LOXHD1: variants seen among roughly 807,000 people sequenced by gnomAD.
The protein encoded by LOXHD1 is lipoxygenase homology PLAT domains 1.
A neutral mutation model predicts 248.2 loss-of-function variants in LOXHD1; 205 were observed. The ratio of observed to expected loss-of-function variants is 0.83; its 90% confidence interval spans 0.74 to 0.93. LOXHD1 has a LOEUF of 0.93. LOXHD1 is among the 40% of genes least tolerant of loss of function. The pLI is 0.00. For synonymous variants in LOXHD1, 1,113 were observed against 1,162.8 expected, an observed-to-expected ratio of 0.96 and a Z score of 0.87; for missense variants, 2,930 against 2,971.6, an observed-to-expected ratio of 0.99 and a Z score of 0.33.
intron 5 of LOXHD1, among the ~76,000 whole-genome samples, chr18:46,612,891 C>T (rs2038529291): frequency 6.6e-6 from 1 of 152,094 alleles, no homozygotes; most frequent in South Asian, 2.1e-4. Flanking sequence ...ACAATGCCAA[C>T]TCTATGTGTG....
At chr18:46,552,142 T>A (rs1321804784) in intron 21 of LOXHD1, among the ~76,000 whole-genome samples, 1 of 152,230 alleles carries the variant, frequency 6.6e-6, no homozygotes. Flanking sequence ...ACAATGTGAA[T>A]ATACTTAACA....
chr18:46,548,762 CAAAG>C (rs1291143720), intron 21 of LOXHD1, among the ~76,000 whole-genome samples: 1 of 151,814 alleles, frequency 6.6e-6, no homozygotes. Flanking sequence ...GAGACACACA[CAAAG>C]AAAGAGCCAG....
At chr18:46,583,161 A>C (rs559433009) in intron 12 of LOXHD1, among the ~76,000 whole-genome samples, 3 of 152,356 alleles carry the variant, frequency 2.0e-5, no homozygotes, top group Non-Finnish European at 4.4e-5. Flanking sequence ...AAACTGGCTC[A>C]AGAAAAAATA....
intron 17 of LOXHD1, among the ~76,000 whole-genome samples, chr18:46,565,670 C>T (rs1849570670): frequency 6.6e-6 from 1 of 152,168 alleles, no homozygotes; most frequent in African/African-American, 2.4e-5. Context: ...TACACACATC[C>T]TCCTATACAC....
chr18:46,496,057 T>C (rs2033845377), intron 37 of LOXHD1, among the ~76,000 whole-genome samples: 4 of 152,152 alleles, frequency 2.6e-5, no homozygotes, highest in African/African-American at 9.7e-5. Context: ...GAACACACTA[T>C]GTTTGGGGTG....
In LOXHD1 at chr18:46,639,647, C is replaced by T; in HGVS notation, c.480G>A (p.Leu160=). The T allele has an allele frequency of 6.4e-7, 1 of 1,551,718 alleles. No individual in the cohort carries two copies. Among genetic ancestry groups the T allele is most frequent in the South Asian group, 1.2e-5 (1 of 84,060 alleles). ...GCATGTCCATGGGGTTGAAGCTGGC[C>T]AGCAGGTCACGGCACCACTGGCGGT... ...EGDRQWCRDL[L]ASFNPMDMPR... Residue 160 remains leucine (L), a synonymous_variant, in exon 4 of 41, where the codon CTG becomes CTA. Coordinates refer to ENST00000642948, the MANE Select transcript of LOXHD1 (RefSeq NM_001384474.1).
At chr18:46,601,776 G>T in intron 7 of LOXHD1, 1 of 365,850 alleles carries the variant, frequency 2.7e-6, no homozygotes, top group South Asian at 2.6e-5. Context: ...GCTAAGAATA[G>T]TACTTATTAT....
chr18:46,486,063 C>T (rs551106400), intron 38 of LOXHD1, among the ~76,000 whole-genome samples: 298 of 152,184 alleles, frequency 2.0e-3, no homozygotes, highest in South Asian at 0.014. Flanking sequence ...TCTATCCAAC[C>T]ACCCTAATTA....
intron 21 of LOXHD1, among the ~76,000 whole-genome samples, chr18:46,552,281 A>T (rs950026076): frequency 1.3e-5 from 2 of 152,252 alleles, no homozygotes; most frequent in African/African-American, 4.8e-5. Flanking sequence ...AAACATTCAC[A>T]GCCCACAGCT....
At chr18:46,574,160 T>A (rs1447701756) in intron 14 of LOXHD1, among the ~76,000 whole-genome samples, 3 of 152,020 alleles carry the variant, frequency 2.0e-5, no homozygotes. Flanking sequence ...CCACCACTTA[T>A]CCACCCCCAG....
intron 4 of LOXHD1, among the ~76,000 whole-genome samples, chr18:46,635,875 T>G (rs2038886630): frequency 6.6e-6 from 1 of 152,098 alleles, no homozygotes; most frequent in Admixed American, 6.5e-5. Context: ...TTACTGAAGT[T>G]TGAGAGCCCC....
intron 6 of LOXHD1, among the ~76,000 whole-genome samples, chr18:46,605,254 G>A (rs1046441589): frequency 6.6e-6 from 1 of 152,314 alleles, no homozygotes; most frequent in African/African-American, 2.4e-5. Flanking sequence ...TTGGCTGGGC[G>A]TGGTGGCTCA....
intron 33 of LOXHD1, among the ~76,000 whole-genome samples, chr18:46,519,805 AAG>A (rs2035477265): frequency 6.6e-6 from 1 of 152,164 alleles, no homozygotes; most frequent in South Asian, 2.1e-4. Flanking sequence ...TGCTTCCAAA[AAG>A]AGACAGAAAC....
rs2036760703 is a variant in LOXHD1, at chr18:46,545,467, T to C, written c.3515-46A>G. The C allele has an allele frequency of 2.8e-6, 4 of 1,440,070 alleles. No individual in the cohort carries two copies. The East Asian group carries it at 9.9e-5, about 36-fold the overall frequency. 89.2% of individuals were successfully genotyped at this position (1,440,070 alleles called of 1,614,324 possible). On this transcript the variant is annotated intron_variant, in intron 22 of 40. Coordinates refer to ENST00000642948, the MANE Select transcript of LOXHD1 (RefSeq NM_001384474.1). ...AGCAATGAATTGTAGACTGTTCCTT[T>C]CATGAAAGGAGGAAAGAGGACAGCC... is the stretch of plus-strand genomic sequence containing the variant.
intron 6 of LOXHD1, among the ~76,000 whole-genome samples, chr18:46,609,426 G>A (rs2038471104): frequency 6.6e-6 from 1 of 152,194 alleles, no homozygotes. Flanking sequence ...ATAAAGTTAA[G>A]CAATAATAAA....
At chr18:46,546,089 G>T (rs185334979) in intron 22 of LOXHD1, among the ~76,000 whole-genome samples, 75 of 152,106 alleles carry the variant, frequency 4.9e-4, no homozygotes, top group African/African-American at 1.8e-3. Flanking sequence ...ATACTTTGAG[G>T]GTCAGAGGCT....
chr18:46,595,394 C>A (rs2038242244), intron 8 of LOXHD1, among the ~76,000 whole-genome samples: 1 of 152,150 alleles, frequency 6.6e-6, no homozygotes, highest in Non-Finnish European at 1.5e-5. Context: ...TGGCTCAGGA[C>A]CACAGGCAGT....
At chr18:46,623,140 G>GCAAATGGTAA (rs2038691858) in intron 4 of LOXHD1, among the ~76,000 whole-genome samples, 2 of 152,168 alleles carry the variant, frequency 1.3e-5, no homozygotes, top group Non-Finnish European at 2.9e-5. Flanking sequence ...AGCCTATATG[G>GCAAATGGTAA]AACCTTTGTG....
chr18:46,487,986 G>T (rs2033187623), intron 38 of LOXHD1, among the ~76,000 whole-genome samples: 1 of 152,204 alleles, frequency 6.6e-6, no homozygotes, highest in African/African-American at 2.4e-5. Flanking sequence ...GACTACCAAA[G>T]GAGGGATGCT....
Sources: gnomAD v4.1 joint callset for allele counts (sites outside exome capture counted in the v4.1 genomes callset) on GRCh38, gnomAD v4.1.1 for gene constraint, MANE v1.5 for transcripts, NCBI Gene and HGNC (gene_info 2026-07-23, HGNC 2026-07-21) for gene names.